Variants in ABCB9 observed in about 807,000 individuals in gnomAD.
ABCB9 encodes the protein ATP binding cassette subfamily B member 9.
ABCB9 carries 36 observed loss-of-function variants against 62.0 expected under a neutral mutation model. The observed-to-expected ratio is 0.58, with a 90% confidence interval of 0.45 to 0.77. The LOEUF is 0.77. Among genes scored for constraint, ABCB9 ranks in the 30% least tolerant of loss-of-function variants. ABCB9 has a pLI of 0.00. For missense variants in ABCB9, 943 were observed against 1,054.7 expected (o/e 0.89, Z 1.47); for synonymous variants, 435 against 461.4 (o/e 0.94, Z 0.73).
Position 122,959,379 on chromosome 12 carries a change from A to G in ABCB9, c.601+256T>C, listed in dbSNP as rs1317539758. 6.6e-6 allele frequency among the ~76,000 whole-genome samples: 1 copy of G among 151,762 alleles called. No individual in the cohort carries two copies. The highest frequency in any genetic ancestry group is 1.5e-5 in the Non-Finnish European group (1 of 67,952). ...AAAAATAAATAAATACAATAAATAAATAAATAAATAAAATAGAAATGGGTT... is the reference window on the plus strand; with the variant it reads ...AAAAATAAATAAATACAATAAATAAGTAAATAAATAAAATAGAAATGGGTT... On this transcript the variant is annotated intron_variant, in intron 2 of 11. Transcript: ENST00000280560. The surrounding 1 kb of genome is among the most constrained non-coding windows in gnomAD (Gnocchi z 5.4).
At position 122,959,897 on chromosome 12, in the gene ABCB9, G is replaced by A. The variant is rs775586067; in HGVS notation, c.339C>T (p.Asp113=). ...LFSEVRRPIR[D]PWFWALFVWT... is the part of the protein sequence containing the mutation. ...ACACGAACAGGGCCCAAAACCAGGG[G>A]TCCCGGATGGGCCTGCGCACCTCTG... Residue 113 remains aspartate (D), a synonymous_variant, in exon 2 of 12, where the codon GAC becomes GAT. Coordinates refer to ENST00000280560, the MANE Select transcript of ABCB9 (RefSeq NM_019625.4). This position sits in a 1 kb window ranked among gnomAD's most constrained non-coding sequence, Gnocchi z 5.4. 6.2e-6 allele frequency: 10 copies of A among 1,613,520 alleles called. No homozygotes were observed. The highest frequency in any genetic ancestry group is 1.6e-4 in the Middle Eastern group (1 of 6,062).
intron 3 of ABCB9, 141 bp from the exon 4 acceptor site, chr12:122,950,059 C>G: frequency 8.5e-7 from 1 of 1,171,230 alleles, no homozygotes; most frequent in Non-Finnish European, 1.2e-6. Context: ...GGGTCCCCCT[C>G]ATTCCCAGTG....
At chr12:122,968,347 T>A (rs900480165), upstream of ABCB9, among the ~76,000 whole-genome samples, 1 of 152,180 alleles carries the variant, frequency 6.6e-6, no homozygotes, top group African/African-American at 2.4e-5. Flanking sequence ...AATGGGGTAA[T>A]AAAGATATCG....
At chr12:122,931,450 G>C (rs145424409) in intron 11 of ABCB9, 1 of 142,808 alleles carries the variant, frequency 7.0e-6, no homozygotes, top group Admixed American at 7.2e-5. Flanking sequence ...TCAGCCTCCC[G>C]AGTAGCTGGG....
intron 2 of ABCB9, among the ~76,000 whole-genome samples, chr12:122,954,638 G>C (rs566239690): frequency 6.6e-6 from 1 of 152,072 alleles, no homozygotes; most frequent in East Asian, 1.9e-4. Flanking sequence ...GATTACAGGC[G>C]TGTGCCACCA....
Position 122,940,425 on chromosome 12 carries a change from C to T in ABCB9, c.1570-141G>A, listed in dbSNP as rs563841554. 1.1e-5 allele frequency: 11 copies of T among 995,226 alleles called. No individual in the cohort carries two copies. The highest frequency in any genetic ancestry group is 1.0e-4 in the East Asian group (4 of 38,118). The allele number at this position is 995,226 out of a possible 1,614,324, so 61.6% of individuals were successfully genotyped here. On this transcript the variant is annotated intron_variant, in intron 8 of 11. Coordinates refer to ENST00000280560, the MANE Select transcript of ABCB9 (RefSeq NM_019625.4). This position sits in a 1 kb window ranked among gnomAD's most constrained non-coding sequence, Gnocchi z 4.8. Reference sequence around the variant, plus strand: ...CGCTTGGGCACTGCTGGCCCCTAAACGTTCTTTCTAAGACACTAGGACTTG... The same window carrying T: ...CGCTTGGGCACTGCTGGCCCCTAAATGTTCTTTCTAAGACACTAGGACTTG...
intron 11 of ABCB9, chr12:122,931,341 T>C (rs2035150099): frequency 7.4e-6 from 1 of 134,636 alleles, no homozygotes; most frequent in Admixed American, 7.1e-5. Flanking sequence ...TTTTTTTTTT[T>C]GTAGATGGAG....
rs760111780 is a variant in ABCB9 at position 122,944,554 on chromosome 12, G to A, written c.1252-35C>T. 5.0e-6 allele frequency: 8 copies of A among 1,609,288 alleles called. No individual in the cohort carries two copies. The highest frequency in any genetic ancestry group is 6.8e-6 in the Non-Finnish European group (8 of 1,177,474). On this transcript the variant is annotated intron_variant, in intron 6 of 11. Transcript: ENST00000280560. This position sits in a 1 kb window ranked among gnomAD's most constrained non-coding sequence, Gnocchi z 4.9. ...AGGGAGAGGGGATGTGGGTCGAGGG[G>A]ACCTTAGATCCCCCACCATCCCCAT...
rs200637535 is a variant in ABCB9, at chr12:122,929,918, T to C, written c.2294A>G (p.Lys765Arg). The change falls in exon 12 of 12, where the codon AAG becomes AGG. Residue 765 changes from lysine to arginine, a missense_variant. Physicochemically the swap from Lys to Arg is conservative, Grantham distance 26. Coordinates refer to ENST00000280560, the MANE Select transcript of ABCB9 (RefSeq NM_019625.4). The surrounding 1 kb of genome is among the most constrained non-coding windows in gnomAD (Gnocchi z 6.0). ...AGAAGCAGGGGCCCCCCATCAGGCC[T>C]TGTGACTGCCGTTGGCTACAGGCTC... ...HNEPVANGSH[K>R]A 5.2e-6 allele frequency: 8 copies of C among 1,548,726 alleles called. No homozygotes were observed. Among genetic ancestry groups the C allele is most frequent in the Non-Finnish European group, 7.0e-6 (8 of 1,145,046 alleles).
At position 122,932,687 on chromosome 12, in the gene ABCB9, G is replaced by C. The variant is rs2035247245; in HGVS notation, c.1904-359C>G. Among the ~76,000 whole-genome samples, 1 of 152,164 alleles carries C rather than the reference G, an allele frequency of 6.6e-6. No individual in the cohort carries two copies. Among genetic ancestry groups the C allele is most frequent in the African/African-American group, 2.4e-5 (1 of 41,444 alleles). ...TGCAGCAATAACCCTGGGTCTATGAGTCTGTGCAGTGCAAAGGTTGTGTGT... is the reference window on the plus strand; with the variant it reads ...TGCAGCAATAACCCTGGGTCTATGACTCTGTGCAGTGCAAAGGTTGTGTGT... On this transcript the variant is annotated intron_variant, in intron 10 of 11. Coordinates refer to ENST00000280560, the MANE Select transcript of ABCB9 (RefSeq NM_019625.4). This position sits in a 1 kb window ranked among gnomAD's most constrained non-coding sequence, Gnocchi z 4.7.
chr12:122,924,889 T>A, downstream of ABCB9: 1 of 1,406,908 alleles, frequency 7.1e-7, no homozygotes. Context: ...AAGTCATAAC[T>A]CTCCACACCC....
In ABCB9 at chr12:122,950,499, T is replaced by A; in HGVS notation, c.668A>T (p.Asp223Val). ...IDGIVIQKSMDQFSTAVVIVC... is the reference protein window; with the variant it reads ...IDGIVIQKSMVQFSTAVVIVC... The stretch of plus-strand genomic sequence containing the variant: ...GATGACGACAGCCGTGCTGAACTGA[T>A]CCATGCTTTTCTGGATGACGATGCC... The change falls in exon 3 of 12, where the codon GAT (aspartate) becomes GTT (valine). Residue 223 changes from aspartate (D) to valine (V), a missense_variant. Asp to Val is a radical substitution (Grantham distance 152, BLOSUM62 -3). Coordinates refer to ENST00000280560, the MANE Select transcript of ABCB9 (RefSeq NM_019625.4). 6.2e-7 allele frequency: 1 copy of A among 1,613,348 alleles called. No individual in the cohort carries two copies. The highest frequency in any genetic ancestry group is 8.5e-7 in the Non-Finnish European group (1 of 1,179,976).
intron 4 of ABCB9, 95 bp from the exon 5 acceptor site, chr12:122,948,924 A>G: frequency 7.6e-6 from 6 of 793,834 alleles, no homozygotes; most frequent in South Asian, 2.6e-5. Flanking sequence ...GACACTGGGA[A>G]GCCGGGCCTC....
chr12:122,924,522 G>C (rs552063656), downstream of ABCB9: 1 of 1,065,916 alleles, frequency 9.4e-7, no homozygotes, highest in East Asian at 4.0e-5. Flanking sequence ...GGGCCTCTAT[G>C]CTCAGCTCAA....
rs116208583 is a variant in ABCB9, at chr12:122,940,156, G to C, written c.1698C>G (p.Asp566Glu). The change falls in exon 9 of 12, where the codon GAC (aspartate) becomes GAG (glutamate). Residue 566 changes from aspartate (D) to glutamate (E), a missense_variant. Transcript: ENST00000280560. The surrounding 1 kb of genome is among the most constrained non-coding windows in gnomAD (Gnocchi z 4.8). ...YPLEGGRVLL[D>E]GKPISAYDHK... is the part of the protein sequence containing the mutation. Reference sequence around the variant, plus strand: ...GGTCGTAGGCGCTGATGGGCTTGCCGTCCAGCAGCACCCGGCCCCCCTCCA... The same window carrying C: ...GGTCGTAGGCGCTGATGGGCTTGCCCTCCAGCAGCACCCGGCCCCCCTCCA... The C allele has an allele frequency of 6.8e-6, 11 of 1,613,252 alleles. No individual in the cohort carries two copies. The highest frequency in any genetic ancestry group is 1.7e-5 in the Admixed American group (1 of 59,826).
chr12:122,974,064 T>C (rs1031164479), intron 1 of ABCB9, among the ~76,000 whole-genome samples: 1 of 151,446 alleles, frequency 6.6e-6, no homozygotes, highest in Non-Finnish European at 1.5e-5. Context: ...ATAAATAAAC[T>C]GATAGGTACA....
At chr12:122,945,841 G>GCAC (rs2135834636) in intron 6 of ABCB9, among the ~76,000 whole-genome samples, 184 bp downstream of exon 6, 1 of 144,432 alleles carries the variant, frequency 6.9e-6, no homozygotes, top group Non-Finnish European at 1.5e-5. Flanking sequence ...TGGTGCCACT[G>GCAC]CACTCCAGCC....
intron 2 of ABCB9, among the ~76,000 whole-genome samples, chr12:122,955,066 C>T (rs758913801): frequency 3.3e-5 from 5 of 152,122 alleles, no homozygotes; most frequent in South Asian, 2.1e-4. Flanking sequence ...CAAGTAGCTG[C>T]GGTCACAGGT....
chr12:122,965,729 CT>C (rs77571044), intron 1 of ABCB9, among the ~76,000 whole-genome samples: 6,027 of 143,798 alleles, frequency 0.042, 173 homozygotes, highest in East Asian at 0.18. Context: ...GGGGAGGAGG[CT>C]TTTTTTTTTT....
Sources: gnomAD v4.1 joint callset for allele counts (sites outside exome capture counted in the v4.1 genomes callset) on GRCh38, gnomAD v4.1.1 for gene constraint, Gnocchi (gnomAD v3.1) non-coding constraint, MANE v1.5 for transcripts, NCBI Gene and HGNC (gene_info 2026-07-23, HGNC 2026-07-21) for gene names.